The following ACAP2 variants were observed in gnomAD, a reference collection of about 807,000 sequenced individuals.
The protein encoded by ACAP2 is arf-GAP with coiled-coil, ANK repeat and PH domain-containing protein 2.
A neutral mutation model predicts 115.8 loss-of-function variants in ACAP2; 39 were observed. The ratio of observed to expected loss-of-function variants is 0.34; its 90% CI spans 0.26 to 0.44. ACAP2 has a LOEUF of 0.44. ACAP2 is among the 20% of genes least tolerant of loss of function. The pLI, the probability that ACAP2 is intolerant of heterozygous loss-of-function variation, is 1.00. For missense variants in ACAP2, 662 were observed against 927.6 expected (o/e 0.71, Z 3.72); for synonymous variants, 289 against 315.8 (o/e 0.92, Z 0.90).
chr3:195,351,441 C>CGTGTGTGTGTGTGTGTGTGTGTGTGT (rs56049053), intron 4 of ACAP2, among the ~76,000 whole-genome samples: 1 of 129,946 alleles, frequency 7.7e-6, no homozygotes, highest in Non-Finnish European at 1.6e-5. Flanking sequence ...TTTTCTTTTT[C>CGTGTGTGTGTGTGTGTGTGTGTGTGT]GTGTGTGTGT....
chr3:195,279,657 A>G (rs1726359572), intron 22 of ACAP2: 1 of 336,992 alleles, frequency 3.0e-6, no homozygotes, highest in Non-Finnish European at 5.3e-6. Context: ...CACAGAAGAA[A>G]GCTCAGAGTT....
intron 1 of ACAP2, among the ~76,000 whole-genome samples, chr3:195,426,358 T>G (rs1217483390): frequency 6.6e-6 from 1 of 152,156 alleles, no homozygotes; most frequent in East Asian, 1.9e-4. Context: ...ACACAATGCA[T>G]CATCACCAAT....
chr3:195,437,885 CTTTT>C (rs1186712431), intron 1 of ACAP2, among the ~76,000 whole-genome samples: 5 of 90,748 alleles, frequency 5.5e-5, no homozygotes, highest in South Asian at 4.3e-4. Context: ...ACTTTACATG[CTTTT>C]TTTTTTTTTT....
At chr3:195,351,274 C>T (rs529676058) in intron 4 of ACAP2, among the ~76,000 whole-genome samples, 88 of 151,890 alleles carry the variant, frequency 5.8e-4, no homozygotes, top group African/African-American at 2.0e-3. Context: ...CATGCCACCA[C>T]GCCAGTTAAT....
intron 20 of ACAP2, among the ~76,000 whole-genome samples, chr3:195,290,022 T>C (rs956275304): frequency 6.6e-6 from 1 of 151,910 alleles, no homozygotes; most frequent in African/African-American, 2.4e-5. Context: ...ATCTAAAATA[T>C]GAAAGAATAA....
At chr3:195,432,382 C>A (rs1715193955) in intron 1 of ACAP2, among the ~76,000 whole-genome samples, 1 of 152,162 alleles carries the variant, frequency 6.6e-6, no homozygotes, top group Non-Finnish European at 1.5e-5. Flanking sequence ...TAAGATAGGG[C>A]TCCAACTTCA....
At chr3:195,392,679 G>C (rs955827987) in intron 1 of ACAP2, among the ~76,000 whole-genome samples, 1 of 152,034 alleles carries the variant, frequency 6.6e-6, no homozygotes, top group Non-Finnish European at 1.5e-5. Flanking sequence ...AATTAGCAAA[G>C]GTTAGATTAT....
At chr3:195,315,769 T>G (rs987478407) in intron 10 of ACAP2, among the ~76,000 whole-genome samples, 4 of 152,256 alleles carry the variant, frequency 2.6e-5, no homozygotes, top group Non-Finnish European at 5.9e-5. Flanking sequence ...GCATTGTTTT[T>G]TTCACTTTGT....
At chr3:195,412,233 G>T (rs6763588) in intron 1 of ACAP2, among the ~76,000 whole-genome samples, 44,377 of 135,404 alleles carry the variant, frequency 0.33, 7,742 homozygotes, top group East Asian at 0.82. Flanking sequence ...AATAAATAAA[G>T]AAGAAGAATT....
intron 20 of ACAP2, among the ~76,000 whole-genome samples, chr3:195,290,526 C>T (rs970276119): frequency 6.6e-6 from 1 of 152,018 alleles, no homozygotes; most frequent in South Asian, 2.1e-4. Flanking sequence ...AATAGCCAGA[C>T]ATGGCCGTGC....
At chr3:195,306,732 T>G (rs546301381) in intron 12 of ACAP2, 116 bp from the exon 13 acceptor site, 1 of 720,000 alleles carries the variant, frequency 1.4e-6, no homozygotes, top group Admixed American at 3.4e-5. Context: ...AAAATATATA[T>G]AATTTGTTGA....
At chr3:195,304,005 CA>C (rs551018803) in intron 13 of ACAP2, among the ~76,000 whole-genome samples, 109 of 149,174 alleles carry the variant, frequency 7.3e-4, no homozygotes, top group African/African-American at 2.6e-3. Context: ...ACTAAAAATA[CA>C]AAAAAAAATT....
Position 195,294,797 on chromosome 3 carries a change from T to C in ACAP2, c.1687A>G (p.Ser563Gly), listed in dbSNP as rs1165790279. 6.2e-7 allele frequency: 1 copy of C among 1,600,342 alleles called. No homozygotes were observed. The highest frequency in any genetic ancestry group is 1.1e-5 in the South Asian group (1 of 90,808). The change falls in exon 18 of 23, where the codon AGT (serine) becomes GGT (glycine). Residue 563 changes from serine to glycine, a missense_variant. Physicochemically the swap from Ser to Gly is moderately conservative, Grantham distance 56. Around this residue, in one of 3 missense-constraint regions of ACAP2, gnomAD observed 133 missense variants for 123.1 expected, o/e 1.08. Coordinates refer to ENST00000326793, the MANE Select transcript of ACAP2 (RefSeq NM_012287.6). ...SAQSSVRSND[S>G]GIQQSSDDGR... ...TCATCAGAGCTCTGCTGAATTCCAC[T>C]GTCATTACTTCTGACTGTTTTAAAG...
chr3:195,311,250 C>A (rs1728751339), intron 10 of ACAP2, among the ~76,000 whole-genome samples: 1 of 151,936 alleles, frequency 6.6e-6, no homozygotes, highest in African/African-American at 2.4e-5. Context: ...ACACACGCCA[C>A]CACACCCTGC....
chr3:195,306,126 G>C (rs1184242379), intron 13 of ACAP2, among the ~76,000 whole-genome samples: 2 of 151,848 alleles, frequency 1.3e-5, no homozygotes, highest in Admixed American at 1.3e-4. Context: ...TATTTTTAAG[G>C]GGCCTTCACC....
At chr3:195,326,332 T>C (rs1461278058) in intron 9 of ACAP2, 1 of 152,270 alleles carries the variant, frequency 6.6e-6, no homozygotes, top group African/African-American at 2.4e-5. Flanking sequence ...AAAAACTGGT[T>C]TAATATTTGA....
At chr3:195,413,339 G>T (rs537513398) in intron 1 of ACAP2, among the ~76,000 whole-genome samples, 1 of 152,028 alleles carries the variant, frequency 6.6e-6, no homozygotes, top group East Asian at 1.9e-4. Flanking sequence ...AGAAGCCACA[G>T]ACTGAAAATA....
intron 1 of ACAP2, among the ~76,000 whole-genome samples, chr3:195,437,781 C>T (rs9876967): frequency 0.26 from 35,747 of 135,590 alleles, 5,287 homozygotes; most frequent in East Asian, 0.72. Context: ...CACCACTGCA[C>T]TCCAGCCTGG....
intron 20 of ACAP2, among the ~76,000 whole-genome samples, chr3:195,289,803 C>CA (rs35498756): frequency 0.48 from 53,746 of 111,742 alleles, 13,342 homozygotes; most frequent in Middle Eastern, 0.6. Flanking sequence ...GACTCCGTCT[C>CA]AAAAAAAAAA....
Sources: allele counts gnomAD v4.1 joint callset (sites outside exome capture counted in the v4.1 genomes callset), GRCh38; gene constraint gnomAD v4.1.1; regional missense constraint gnomAD v4.1.1; transcripts MANE v1.5; gene names NCBI Gene and HGNC (gene_info 2026-07-23, HGNC 2026-07-21).